The following GPR158 variants were observed in gnomAD, a reference collection of about 807,000 sequenced individuals.
The protein encoded by GPR158 is metabotropic glycine receptor.
In GPR158, 30 loss-of-function variants were observed where a neutral mutation model predicts 78.2. The observed-to-expected ratio is 0.38, with a 90% CI of 0.29 to 0.52. The LOEUF (loss-of-function observed/expected upper bound fraction) is 0.52. GPR158 is among the 20% of genes least tolerant of loss of function. GPR158 has a pLI of 0.83. For synonymous variants in GPR158, 581 were observed against 591.1 expected, an observed-to-expected ratio of 0.98 and a Z score of 0.25; for missense variants, 1,463 against 1,523.5, an observed-to-expected ratio of 0.96 and a Z score of 0.66.
chr10:25,392,452 G>A (rs150262726), intron 2 of GPR158, among the ~76,000 whole-genome samples: 22 of 152,366 alleles, frequency 1.4e-4, no homozygotes, highest in African/African-American at 4.1e-4. Context: ...AAGTCAGGCC[G>A]AGGAGCCACT....
At chr10:25,522,755 G>A (rs1836295179) in intron 5 of GPR158, among the ~76,000 whole-genome samples, 1 of 152,162 alleles carries the variant, frequency 6.6e-6, no homozygotes, top group African/African-American at 2.4e-5. Context: ...AGACTTTTTA[G>A]TGCTTGCCTC....
chr10:25,487,247 A>G (rs3005191), intron 5 of GPR158, among the ~76,000 whole-genome samples: 78,470 of 151,898 alleles, frequency 0.52, 20,483 homozygotes, highest in East Asian at 0.8. Context: ...TATTTTCAAT[A>G]TAAGCAGCCT....
chr10:25,252,418 T>C (rs1234719650), intron 2 of GPR158, among the ~76,000 whole-genome samples: 2 of 152,270 alleles, frequency 1.3e-5, no homozygotes, highest in East Asian at 3.9e-4. Context: ...AGTTTTTCTG[T>C]TCTGTTTTTT....
chr10:25,235,216 T>C (rs1360119158), intron 2 of GPR158, among the ~76,000 whole-genome samples: 1 of 152,200 alleles, frequency 6.6e-6, no homozygotes, highest in East Asian at 1.9e-4. Flanking sequence ...TCTGGTCTTT[T>C]TGGTGGCAAT....
At chr10:25,400,738 C>T (rs1242259012) in intron 3 of GPR158, among the ~76,000 whole-genome samples, 1 of 152,142 alleles carries the variant, frequency 6.6e-6, no homozygotes, top group East Asian at 1.9e-4. Flanking sequence ...AGTGAAACTG[C>T]TTTTATCTTT....
chr10:25,281,501 CCAGGAGGTCAAGGCTG>C (rs925538919), intron 2 of GPR158, among the ~76,000 whole-genome samples: 4 of 151,956 alleles, frequency 2.6e-5, no homozygotes, highest in Non-Finnish European at 4.4e-5. Flanking sequence ...CTGCTTGAAC[CCAGGAGGTCAAGGCTG>C]CAGTGAGCCA....
chr10:25,388,700 G>A (rs111454076), intron 2 of GPR158, among the ~76,000 whole-genome samples: 1,737 of 152,378 alleles, frequency 0.011, 8 homozygotes, highest in Non-Finnish European at 0.016. Context: ...GCCAGTGGGA[G>A]CTGGGAGCAG....
At chr10:25,254,536 CATAA>C (rs1281844523) in intron 2 of GPR158, among the ~76,000 whole-genome samples, 1 of 151,794 alleles carries the variant, frequency 6.6e-6, no homozygotes, top group Non-Finnish European at 1.5e-5. Context: ...CTAAAAGGCT[CATAA>C]ATAAATGAGA....
At chr10:25,278,861 C>T (rs1474607653) in intron 2 of GPR158, among the ~76,000 whole-genome samples, 1 of 151,594 alleles carries the variant, frequency 6.6e-6, no homozygotes, top group East Asian at 1.9e-4. Context: ...CTTACTGTTA[C>T]CAGACCTTCA....
rs116084684 is a variant in GPR158, at chr10:25,589,811, C to G, written c.1892+666C>G. Reference sequence around the variant, plus strand: ...ACAAAATGAAATATATATGACTTATCTTCTGAAAATGTATCCCTGATTCAT... The same window carrying G: ...ACAAAATGAAATATATATGACTTATGTTCTGAAAATGTATCCCTGATTCAT... On this transcript the variant is annotated intron_variant, in intron 8 of 10. Coordinates refer to ENST00000376351, the MANE Select transcript of GPR158 (RefSeq NM_020752.3). Among the ~76,000 whole-genome samples the G allele has an allele frequency of 3.1e-3, 478 of 152,266 alleles. 2 individuals carry two copies. Among genetic ancestry groups the G allele is most frequent in the African/African-American group, 0.011 (449 of 41,552 alleles).
At chr10:25,248,078 A>AT (rs1383939596) in intron 2 of GPR158, among the ~76,000 whole-genome samples, 1 of 151,876 alleles carries the variant, frequency 6.6e-6, no homozygotes. Flanking sequence ...GATGATGAGC[A>AT]TTTTTTCATG....
intron 1 of GPR158, among the ~76,000 whole-genome samples, chr10:25,195,451 C>T (rs941119302): frequency 6.6e-6 from 1 of 152,108 alleles, no homozygotes; most frequent in African/African-American, 2.4e-5. Flanking sequence ...GGTGATCCAC[C>T]CACCTTGGCT....
intron 2 of GPR158, among the ~76,000 whole-genome samples, chr10:25,333,184 T>C (rs1364053987): frequency 2.0e-5 from 3 of 152,114 alleles, no homozygotes; most frequent in Non-Finnish European, 4.4e-5. Flanking sequence ...ACTTTTTCAT[T>C]TCCTGGAATT....
At chr10:25,326,518 G>C (rs1239618396) in intron 2 of GPR158, among the ~76,000 whole-genome samples, 1 of 151,978 alleles carries the variant, frequency 6.6e-6, no homozygotes, top group Non-Finnish European at 1.5e-5. Flanking sequence ...AGTTTCCTTT[G>C]CTGTGCACGA....
At chr10:25,230,849 G>A (rs1853437810) in intron 2 of GPR158, among the ~76,000 whole-genome samples, 1 of 152,222 alleles carries the variant, frequency 6.6e-6, no homozygotes, top group South Asian at 2.1e-4. Context: ...TGGAGAGGAT[G>A]TTGTAGACTT....
At chr10:25,546,615 T>C (rs1316602388) in intron 5 of GPR158, among the ~76,000 whole-genome samples, 2 of 152,208 alleles carry the variant, frequency 1.3e-5, no homozygotes, top group African/African-American at 4.8e-5. Context: ...GCTTTATTTT[T>C]CCTTTCATCC....
chr10:25,406,161 C>G (rs1272767127), intron 3 of GPR158, among the ~76,000 whole-genome samples: 1 of 152,130 alleles, frequency 6.6e-6, no homozygotes, highest in Non-Finnish European at 1.5e-5. Context: ...TCTTTTCTGC[C>G]TCAGGGCTGT....
chr10:25,354,121 A>T (rs1168168963), intron 2 of GPR158, among the ~76,000 whole-genome samples: 1 of 152,076 alleles, frequency 6.6e-6, no homozygotes, highest in African/African-American at 2.4e-5. Flanking sequence ...TAGGAGGCCA[A>T]GGTGGGTGGA....
Position 25,438,721 on chromosome 10 carries a change from T to C in GPR158, c.1335+26248T>C, listed in dbSNP as rs148776593. On this transcript the variant is annotated intron_variant, in intron 4 of 10. Coordinates refer to ENST00000376351, the MANE Select transcript of GPR158 (RefSeq NM_020752.3). ...TTTTATGACTTTAGTGGGAATAATATGGTTTCAAGGCATCTTGAGCCAGTC... is the reference window on the plus strand; with the variant it reads ...TTTTATGACTTTAGTGGGAATAATACGGTTTCAAGGCATCTTGAGCCAGTC... Among the ~76,000 whole-genome samples the C allele has an allele frequency of 5.4e-3, 829 of 152,310 alleles. 11 individuals are homozygous for C. Among genetic ancestry groups the C allele is most frequent in the African/African-American group, 0.019 (802 of 41,566 alleles).
Sources: allele counts gnomAD v4.1 joint callset (sites outside exome capture counted in the v4.1 genomes callset), GRCh38; gene constraint gnomAD v4.1.1; transcripts MANE v1.5; gene names NCBI Gene and HGNC (gene_info 2026-07-23, HGNC 2026-07-21).